Variants in PTPRM observed in about 807,000 individuals in gnomAD.
PTPRM encodes the protein protein tyrosine phosphatase receptor type M, also known as receptor-type tyrosine-protein phosphatase mu.
In PTPRM, 47 loss-of-function variants were observed where a neutral mutation model predicts 186.7. The observed-to-expected ratio is 0.25, with a 90% CI of 0.20 to 0.32. The LOEUF (loss-of-function observed/expected upper bound fraction) is 0.32. Ranked by LOEUF, PTPRM falls within the 10% of genes least tolerant of loss-of-function variation. The probability of loss-of-function intolerance (pLI) is 1.00; values close to 1 mark genes in which losing one functional copy is unlikely to be tolerated. For synonymous variants in PTPRM, 668 were observed against 674.9 expected (o/e 0.99, Z 0.16); for missense variants, 1,494 against 1,865.0 (o/e 0.80, Z 3.66).
intron 22 of PTPRM, 124 bp downstream of exon 22, chr18:8,319,338 G>T: frequency 1.6e-6 from 1 of 627,336 alleles, no homozygotes. Context: ...CCATCGGCAG[G>T]TACACTCTTG....
chr18:7,974,301 A>G (rs1232304994), intron 7 of PTPRM, among the ~76,000 whole-genome samples: 2 of 152,314 alleles, frequency 1.3e-5, no homozygotes, highest in East Asian at 3.9e-4. Flanking sequence ...GGCAAAACTA[A>G]CAAGTCTCCT....
rs1309864697 is a variant in PTPRM, at chr18:7,827,701, A to G, written c.196+53430A>G. ...ACTGAATGTTCAGGGAATCTGTCTT[A>G]TCTTTATCAAGGCTACTCGTCATGG... is the stretch of plus-strand genomic sequence containing the variant. On this transcript the variant is annotated intron_variant, in intron 2 of 32. Coordinates refer to ENST00000580170, the MANE Select transcript of PTPRM (RefSeq NM_001105244.2). 2.6e-5 allele frequency among the ~76,000 whole-genome samples: 4 copies of G among 152,240 alleles called. No individual in the cohort carries two copies. The East Asian group carries it at 7.7e-4, about 29-fold the overall frequency.
At chr18:8,320,010 A>T (rs1410653189) in intron 22 of PTPRM, among the ~76,000 whole-genome samples, 1 of 152,164 alleles carries the variant, frequency 6.6e-6, no homozygotes, top group Non-Finnish European at 1.5e-5. Flanking sequence ...AGAATGAGGC[A>T]TCCTAAAGGA....
At chr18:8,172,288 A>G (rs562267889) in intron 14 of PTPRM, among the ~76,000 whole-genome samples, 7 of 147,708 alleles carry the variant, frequency 4.7e-5, no homozygotes, top group African/African-American at 1.5e-4. Flanking sequence ...TTTTTTTATA[A>G]CTTTACAGAC....
chr18:8,288,637 T>G (rs1909120052), intron 19 of PTPRM, among the ~76,000 whole-genome samples: 1 of 152,182 alleles, frequency 6.6e-6, no homozygotes, highest in Non-Finnish European at 1.5e-5. Flanking sequence ...CAGTTACTGT[T>G]TCCATGACTA....
chr18:7,938,998 A>G (rs2052001042), intron 5 of PTPRM, among the ~76,000 whole-genome samples: 1 of 152,204 alleles, frequency 6.6e-6, no homozygotes, highest in Non-Finnish European at 1.5e-5. Context: ...GGTCAACACT[A>G]TGTTAATTAT....
chr18:7,896,905 G>A (rs2049390722), intron 3 of PTPRM, among the ~76,000 whole-genome samples: 1 of 152,144 alleles, frequency 6.6e-6, no homozygotes, highest in African/African-American at 2.4e-5. Context: ...TTATTCCCCT[G>A]CACAGCTAGC....
chr18:8,215,055 T>C (rs114825489), intron 14 of PTPRM, among the ~76,000 whole-genome samples: 1 of 152,160 alleles, frequency 6.6e-6, no homozygotes, highest in Non-Finnish European at 1.5e-5. Context: ...GGATAAAATA[T>C]AACAGTCATA....
At chr18:7,696,115 T>C (rs1174562040) in intron 1 of PTPRM, among the ~76,000 whole-genome samples, 1 of 152,220 alleles carries the variant, frequency 6.6e-6, no homozygotes, top group Non-Finnish European at 1.5e-5. Flanking sequence ...AGGCTCATTT[T>C]AAAGTCAAGA....
chr18:7,805,829 A>G (rs2044206760), intron 2 of PTPRM, among the ~76,000 whole-genome samples: 1 of 152,244 alleles, frequency 6.6e-6, no homozygotes, highest in Non-Finnish European at 1.5e-5. Flanking sequence ...TGGCAGAATC[A>G]GTTAAAATGG....
At chr18:8,048,707 T>C (rs571371453) in intron 7 of PTPRM, among the ~76,000 whole-genome samples, 1 of 152,204 alleles carries the variant, frequency 6.6e-6, no homozygotes, top group African/African-American at 2.4e-5. Context: ...CAACTTCAAA[T>C]AGAAAACTAT....
At chr18:8,054,078 T>A (rs2087712409) in intron 7 of PTPRM, among the ~76,000 whole-genome samples, 1 of 151,914 alleles carries the variant, frequency 6.6e-6, no homozygotes. Flanking sequence ...AAAGTGCTGT[T>A]TTTTCTTGTT....
chr18:8,245,624 A>T (rs2094470558), intron 15 of PTPRM, among the ~76,000 whole-genome samples: 1 of 152,156 alleles, frequency 6.6e-6, no homozygotes, highest in Admixed American at 6.5e-5. Context: ...TGTGGGCTGG[A>T]ATTGGAGAAG....
intron 2 of PTPRM, among the ~76,000 whole-genome samples, chr18:7,868,554 C>T (rs928643525): frequency 3.9e-5 from 6 of 152,216 alleles, no homozygotes; most frequent in African/African-American, 1.4e-4. Context: ...ATTGCTGCCT[C>T]TTCCTTCCTC....
At chr18:7,962,628 G>A (rs1039084219) in intron 7 of PTPRM, among the ~76,000 whole-genome samples, 2 of 152,220 alleles carry the variant, frequency 1.3e-5, no homozygotes, top group African/African-American at 2.4e-5. Context: ...TGGCAAGGGG[G>A]CATTACATGA....
chr18:7,860,600 T>C (rs915877417), intron 2 of PTPRM, among the ~76,000 whole-genome samples: 2 of 152,174 alleles, frequency 1.3e-5, no homozygotes, highest in African/African-American at 4.8e-5. Flanking sequence ...CTGGCCTCTT[T>C]CACCACCTTT....
In PTPRM at chr18:8,244,067, C is replaced by T. The variant is rs576931102; in HGVS notation, c.2310C>T (p.Ala770=). 5.6e-6 allele frequency: 9 copies of T among 1,607,976 alleles called. No individual in the cohort carries two copies. In the South Asian group the frequency reaches 8.9e-5, roughly 16 times the overall value. ...VVLVMKKRKL[A]KKRKETMSST... Reference sequence around the variant, plus strand: ...AATTCTTTATCCTAAGGAAACTGGCCAAGAAGCGGAAAGAGACCATGAGCA... The same window carrying T: ...AATTCTTTATCCTAAGGAAACTGGCTAAGAAGCGGAAAGAGACCATGAGCA... The change falls in exon 15 of 33, where the codon GCC becomes GCT. Residue 770 remains alanine (A), a synonymous_variant. Transcript: ENST00000580170.
intron 19 of PTPRM, among the ~76,000 whole-genome samples, chr18:8,269,347 T>A (rs1474913910): frequency 6.6e-6 from 1 of 151,826 alleles, no homozygotes; most frequent in Middle Eastern, 3.2e-3. Context: ...ATGTGAAAGA[T>A]CTATACACTG....
intron 1 of PTPRM, among the ~76,000 whole-genome samples, chr18:7,605,171 C>G (rs2143789737): frequency 6.7e-6 from 1 of 148,472 alleles, no homozygotes; most frequent in South Asian, 2.2e-4. Flanking sequence ...CTAATGATAA[C>G]TGATGAGCTT....
Sources: allele counts gnomAD v4.1 joint callset (sites outside exome capture counted in the v4.1 genomes callset), GRCh38; gene constraint gnomAD v4.1.1; transcripts MANE v1.5; gene names NCBI Gene and HGNC (gene_info 2026-07-23, HGNC 2026-07-21).